The following UBE2D3 variants were observed in gnomAD, a reference collection of about 807,000 sequenced individuals.
The protein encoded by UBE2D3 is ubiquitin-conjugating enzyme E2 D3.
UBE2D3 carries 2 observed loss-of-function variants against 22.8 expected under a neutral mutation model. The ratio of observed to expected loss-of-function variants is 0.09; its 90% CI spans 0.04 to 0.28. The LOEUF (loss-of-function observed/expected upper bound fraction) is 0.28. Ranked by LOEUF, UBE2D3 falls within the 10% of genes least tolerant of loss-of-function variation. UBE2D3 has a pLI of 1.00. For missense variants in UBE2D3, 27 were observed against 182.5 expected (o/e 0.15, Z 4.91); for synonymous variants, 56 against 60.4 (o/e 0.93, Z 0.34).
At chr4:102,851,432 CT>C (rs1732342442) in intron 1 of UBE2D3, among the ~76,000 whole-genome samples, 1 of 152,188 alleles carries the variant, frequency 6.6e-6, no homozygotes, top group Non-Finnish European at 1.5e-5. Context: ...ACTAACAGAA[CT>C]TTCTGGCCAA....
intron 1 of UBE2D3, among the ~76,000 whole-genome samples, chr4:102,842,664 T>G (rs1731821171): frequency 6.6e-6 from 1 of 152,268 alleles, no homozygotes; most frequent in South Asian, 2.1e-4. Flanking sequence ...CAAACACCCC[T>G]GTTTAAAGGC....
chr4:102,838,606 A>G (rs1731553928), intron 1 of UBE2D3, among the ~76,000 whole-genome samples: 1 of 152,134 alleles, frequency 6.6e-6, no homozygotes, highest in African/African-American at 2.4e-5. Flanking sequence ...TATTTTTGTT[A>G]CAGAATAAAG....
At chr4:102,859,553 G>A (rs888910576) in intron 1 of UBE2D3, among the ~76,000 whole-genome samples, 3 of 151,788 alleles carry the variant, frequency 2.0e-5, no homozygotes, top group African/African-American at 7.3e-5. Context: ...TTGTGGATCT[G>A]GATGTTCATT....
At chr4:102,821,678 A>T (rs910808498) in intron 2 of UBE2D3, among the ~76,000 whole-genome samples, 42 of 152,206 alleles carry the variant, frequency 2.8e-4, no homozygotes, top group African/African-American at 9.9e-4. Context: ...ATTGTAACAC[A>T]AAGGATAAAT....
intron 1 of UBE2D3, among the ~76,000 whole-genome samples, chr4:102,839,905 T>C (rs187019661): frequency 2.6e-5 from 4 of 152,334 alleles, no homozygotes; most frequent in Admixed American, 2.6e-4. Flanking sequence ...AAGGGACTAA[T>C]GTTGAGAGTA....
chr4:102,827,692 G>A, upstream of UBE2D3: 6 of 983,872 alleles, frequency 6.1e-6, no homozygotes, highest in Non-Finnish European at 7.2e-6. Context: ...CCGGGGCCGA[G>A]TGAATACGTG....
intron 2 of UBE2D3, among the ~76,000 whole-genome samples, chr4:102,821,448 T>C (rs1199108924): frequency 1.3e-5 from 2 of 152,162 alleles, no homozygotes; most frequent in Non-Finnish European, 2.9e-5. Flanking sequence ...ATTTATTCCC[T>C]GGGACTAGAA....
At chr4:102,833,280 T>C (rs1439991628) in intron 1 of UBE2D3, among the ~76,000 whole-genome samples, 4 of 152,174 alleles carry the variant, frequency 2.6e-5, no homozygotes, top group African/African-American at 4.8e-5. Context: ...ACCACTTTAC[T>C]AGAACCTTTG....
At chr4:102,864,466 T>C (rs1733054194) in intron 1 of UBE2D3, among the ~76,000 whole-genome samples, 1 of 98,650 alleles carries the variant, frequency 1.0e-5, no homozygotes, top group African/African-American at 4.8e-5. Context: ...TGTGAGATTG[T>C]GGTCACCAGT....
intron 7 of UBE2D3, among the ~76,000 whole-genome samples, chr4:102,798,297 T>TATATATATATATATATATATATATATAC (rs1481588683): frequency 6.8e-6 from 1 of 146,678 alleles, no homozygotes; most frequent in African/African-American, 2.6e-5. Flanking sequence ...TATATATATA[T>TATATATATATATATATATATATATATAC]GCACAGGAGA....
Position 102,804,053 on chromosome 4 carries a change from G to A in UBE2D3, c.121-1415C>T, listed in dbSNP as rs559621508. On this transcript the variant is annotated intron_variant, in intron 4 of 7. Transcript: ENST00000453744. Reference sequence around the variant, plus strand: ...CAAAATGTGCTGATTATAGGTGTGAGCTACTGTACCCAGCCAGAGCTTATT... The same window carrying A: ...CAAAATGTGCTGATTATAGGTGTGAACTACTGTACCCAGCCAGAGCTTATT... 1.7e-4 allele frequency among the ~76,000 whole-genome samples: 26 copies of A among 152,150 alleles called. No individual in the cohort carries two copies. The South Asian group carries it at 2.9e-3, about 17-fold the overall frequency.
At chr4:102,797,821 T>G (rs1457700921) in intron 7 of UBE2D3, among the ~76,000 whole-genome samples, 1 of 152,004 alleles carries the variant, frequency 6.6e-6, no homozygotes, top group African/African-American at 2.4e-5. Flanking sequence ...AGTATACACA[T>G]TCTATCTATC....
intron 1 of UBE2D3, chr4:102,868,633 G>T (rs1733296396): frequency 6.3e-7 from 1 of 1,596,058 alleles, no homozygotes; most frequent in African/African-American, 1.3e-5. Flanking sequence ...GGGCGAGTAT[G>T]CAACCCTAGG....
At chr4:102,834,473 G>C (rs1009269719) in intron 1 of UBE2D3, among the ~76,000 whole-genome samples, 3 of 152,140 alleles carry the variant, frequency 2.0e-5, no homozygotes, top group Non-Finnish European at 4.4e-5. Flanking sequence ...TGAGGGCCGG[G>C]TGTGGTGGTA....
At chr4:102,801,621 TTAAAA>T (rs1166606136) in intron 5 of UBE2D3, 62 bp from the exon 6 acceptor site, 29 of 1,315,452 alleles carry the variant, frequency 2.2e-5, no homozygotes, top group Non-Finnish European at 3.1e-5. Flanking sequence ...AAAGCAAAAC[TTAAAA>T]TAATCAAGCC....
At chr4:102,812,659 T>C (rs1010765940) in intron 2 of UBE2D3, 6 of 152,222 alleles carry the variant, frequency 3.9e-5, no homozygotes, top group African/African-American at 1.4e-4. Flanking sequence ...ATATTTCAAT[T>C]TGTGGGAAAG....
intron 2 of UBE2D3, 62 bp downstream of exon 2, chr4:102,826,423 T>C: frequency 6.2e-7 from 1 of 1,603,452 alleles, no homozygotes; most frequent in Non-Finnish European, 8.5e-7. Flanking sequence ...CCCCCACGCT[T>C]TCCTCTTGGC....
chr4:102,845,140 T>A (rs549560254), intron 1 of UBE2D3, among the ~76,000 whole-genome samples: 1 of 152,126 alleles, frequency 6.6e-6, no homozygotes, highest in African/African-American at 2.4e-5. Context: ...CCCAGCTATT[T>A]GGGAGGTAGA....
intron 1 of UBE2D3, among the ~76,000 whole-genome samples, chr4:102,848,395 A>G (rs2110364306): frequency 6.6e-6 from 1 of 152,280 alleles, no homozygotes; most frequent in African/African-American, 2.4e-5. Flanking sequence ...CTGTAATCCT[A>G]GCACTTTGGG....
Sources: allele counts gnomAD v4.1 joint callset (sites outside exome capture counted in the v4.1 genomes callset), GRCh38; gene constraint gnomAD v4.1.1; transcripts MANE v1.5; gene names NCBI Gene and HGNC (gene_info 2026-07-23, HGNC 2026-07-21).